Variants in AGTPBP1 observed in about 807,000 individuals in gnomAD.
AGTPBP1 encodes ATP/GTP binding carboxypeptidase 1.
In AGTPBP1, 70 loss-of-function variants were observed where a neutral mutation model predicts 143.9. That is an observed-to-expected ratio of 0.49 (90% CI 0.40 to 0.59). The LOEUF is 0.59. Among genes scored for constraint, AGTPBP1 ranks in the 20% least tolerant of loss-of-function variants. AGTPBP1 has a pLI of 0.00. For missense variants in AGTPBP1, 1,229 were observed against 1,464.5 expected, an observed-to-expected ratio of 0.84 and a Z score of 2.62; for synonymous variants, 463 against 500.2, an observed-to-expected ratio of 0.93 and a Z score of 0.99.
At chr9:85,548,465 A>T (rs1446982716) in intron 25 of AGTPBP1, among the ~76,000 whole-genome samples, 1 of 152,208 alleles carries the variant, frequency 6.6e-6, no homozygotes, top group East Asian at 1.9e-4. Context: ...TCCTCTTAAA[A>T]GTTCAGAGCT....
At chr9:85,580,382 T>C (rs533734811) in intron 23 of AGTPBP1, among the ~76,000 whole-genome samples, 1 of 152,252 alleles carries the variant, frequency 6.6e-6, no homozygotes, top group East Asian at 1.9e-4. Context: ...AGAAAGATTT[T>C]TTTTCATTCT....
chr9:85,595,700 T>C (rs1389838489), intron 18 of AGTPBP1, among the ~76,000 whole-genome samples: 1 of 152,098 alleles, frequency 6.6e-6, no homozygotes, highest in Non-Finnish European at 1.5e-5. Context: ...TTAATTTTTG[T>C]ATTTTTGGTA....
chr9:85,572,276 GC>G (rs1827552501), intron 25 of AGTPBP1, among the ~76,000 whole-genome samples: 1 of 151,890 alleles, frequency 6.6e-6, no homozygotes, highest in Non-Finnish European at 1.5e-5. Context: ...CAAGTGATCT[GC>G]CCACCTCGGC....
chr9:85,705,569 A>G (rs1471038475), intron 2 of AGTPBP1, among the ~76,000 whole-genome samples: 1 of 152,198 alleles, frequency 6.6e-6, no homozygotes, highest in Non-Finnish European at 1.5e-5. Flanking sequence ...GATACTATAT[A>G]TTATTTAAAT....
intron 14 of AGTPBP1, among the ~76,000 whole-genome samples, chr9:85,627,490 T>C (rs1253872251): frequency 3.3e-5 from 5 of 152,138 alleles, no homozygotes; most frequent in African/African-American, 9.7e-5. Context: ...TCAAAAATAA[T>C]GGGTAAAAAG....
At chr9:85,611,956 A>G (rs1178878170) in intron 17 of AGTPBP1, among the ~76,000 whole-genome samples, 1 of 152,194 alleles carries the variant, frequency 6.6e-6, no homozygotes, top group Non-Finnish European at 1.5e-5. Context: ...CTGGGATTAC[A>G]GGCATAAGCC....
rs79352312 is a variant in AGTPBP1 at position 85,714,711 on chromosome 9, T to C, written c.-33-2145A>G. Among the ~76,000 whole-genome samples, 54 of 152,352 alleles carry C rather than the reference T, an allele frequency of 3.5e-4. 1 individual carries two copies. In the East Asian group the frequency reaches 9.5e-3, roughly 27 times the overall value. On this transcript the variant is annotated intron_variant, in intron 1 of 25. Coordinates refer to ENST00000357081, the MANE Select transcript of AGTPBP1 (RefSeq NM_001330701.2). ...GAATCTACACCTTAATGTGTCATTA[T>C]ATAGCATTCCTTAAAATAATTATAG...
chr9:85,587,011 T>C, intron 21 of AGTPBP1, 51 bp from the exon 22 acceptor site: 1 of 1,605,874 alleles, frequency 6.2e-7, no homozygotes, highest in South Asian at 1.1e-5. Context: ...CCATAAACCC[T>C]TATATACATT....
intron 2 of AGTPBP1, among the ~76,000 whole-genome samples, chr9:85,695,818 G>T (rs1836193867): frequency 6.6e-6 from 1 of 151,652 alleles, no homozygotes; most frequent in East Asian, 1.9e-4. Context: ...GGGATATTTT[G>T]CCAGACATTT....
chr9:85,726,177 T>A (rs1178164842), intron 1 of AGTPBP1, among the ~76,000 whole-genome samples: 1 of 143,746 alleles, frequency 7.0e-6, no homozygotes, highest in Non-Finnish European at 1.5e-5. Flanking sequence ...CTACAGTGAG[T>A]CATGTTCACA....
intron 2 of AGTPBP1, among the ~76,000 whole-genome samples, chr9:85,709,751 A>C (rs998348351): frequency 1.3e-5 from 2 of 152,172 alleles, no homozygotes; most frequent in African/African-American, 4.8e-5. Flanking sequence ...GGAGAATGAA[A>C]AGAATAAATT....
intron 23 of AGTPBP1, among the ~76,000 whole-genome samples, chr9:85,581,441 T>G (rs978763256): frequency 1.3e-5 from 2 of 152,232 alleles, no homozygotes; most frequent in African/African-American, 4.8e-5. Flanking sequence ...AAAATTCATA[T>G]GAAGGCTATA....
rs764204294 is a variant in AGTPBP1, at chr9:85,669,590, A to C, written c.569-12T>G. 5.1e-6 allele frequency: 8 copies of C among 1,580,686 alleles called. No individual in the cohort carries two copies. The East Asian group carries it at 1.3e-4, about 27-fold the overall frequency. On this transcript the variant is annotated splice_polypyrimidine_tract_variant and intron_variant, in intron 7 of 25. Transcript: ENST00000357081. ...TACTGAATTCACAGCTGAGAGGGGG[A>C]GAAAGAGATGCAAAATTATTTTAAG... is the stretch of plus-strand genomic sequence containing the variant.
the AGTPBP1 span, chr9:85,764,732 G>GT: frequency 8.0e-7 from 1 of 1,251,100 alleles, no homozygotes; most frequent in Non-Finnish European, 1.2e-6. Flanking sequence ...TAGTTTGAAA[G>GT]TATCAACTCG....
chr9:85,630,332 CA>C (rs1291472447), intron 14 of AGTPBP1, among the ~76,000 whole-genome samples: 2 of 152,202 alleles, frequency 1.3e-5, no homozygotes, highest in Admixed American at 1.3e-4. Context: ...TGCAAGCCCT[CA>C]CCTCTATCCC....
At chr9:85,726,229 C>CAAA (rs142765681) in intron 1 of AGTPBP1, among the ~76,000 whole-genome samples, 6 of 123,082 alleles carry the variant, frequency 4.9e-5, no homozygotes, top group African/African-American at 9.4e-5. Flanking sequence ...GACTCTGTCT[C>CAAA]AAAAAAAAAA....
intron 23 of AGTPBP1, among the ~76,000 whole-genome samples, chr9:85,583,971 G>A (rs1458983113): frequency 2.0e-5 from 3 of 151,676 alleles, no homozygotes; most frequent in Admixed American, 1.3e-4. Flanking sequence ...GGGACTAAGT[G>A]AGAATTCCCT....
intron 14 of AGTPBP1, among the ~76,000 whole-genome samples, chr9:85,624,895 G>A (rs187486329): frequency 1.4e-4 from 21 of 152,198 alleles, no homozygotes; most frequent in Admixed American, 9.8e-4. Flanking sequence ...AGTCTAAAAC[G>A]TCATAAAACA....
the AGTPBP1 span, among the ~76,000 whole-genome samples, chr9:85,777,057 C>T: frequency 1.6e-4 from 25 of 152,112 alleles, no homozygotes; most frequent in Non-Finnish European, 3.7e-4. Context: ...TTCTATCAGT[C>T]TAGCTGCTTC....
Sources: allele counts gnomAD v4.1 joint callset (sites outside exome capture counted in the v4.1 genomes callset), GRCh38; gene constraint gnomAD v4.1.1; transcripts MANE v1.5; gene names NCBI Gene and HGNC (gene_info 2026-07-23, HGNC 2026-07-21).